SMOX: variants seen among roughly 807,000 people sequenced by gnomAD.
SMOX encodes spermine oxidase.
Under a neutral mutation model 51.0 loss-of-function variants are expected in SMOX, and 22 were observed. The observed-to-expected ratio is 0.43, with a 90% CI of 0.31 to 0.62. SMOX has a LOEUF of 0.62. Ranked by LOEUF, SMOX falls within the 20% of genes least tolerant of loss-of-function variation. The pLI, the probability that SMOX is intolerant of heterozygous loss-of-function variation, is 0.10. For missense variants in SMOX, 566 were observed against 777.7 expected, an observed-to-expected ratio of 0.73 and a Z score of 3.24; for synonymous variants, 282 against 307.8, an observed-to-expected ratio of 0.92 and a Z score of 0.88.
At position 4,167,155 on chromosome 20, in the gene SMOX, G is replaced by A. The variant is rs1052488076; in HGVS notation, c.-26-7875G>A. On this transcript the variant is annotated intron_variant, in intron 1 of 6. Transcript: ENST00000305958. The surrounding 1 kb of genome is among the most constrained non-coding windows in gnomAD (Gnocchi z 4.8). ...ATGGTCAGGCTGAGTCAGGATTGAGGGGCTCAGGCCGAGTCAGTATTGGGT... is the reference window on the plus strand; with the variant it reads ...ATGGTCAGGCTGAGTCAGGATTGAGAGGCTCAGGCCGAGTCAGTATTGGGT... Among the ~76,000 whole-genome samples, 23 of 152,184 alleles carry A rather than the reference G, an allele frequency of 1.5e-4. No homozygotes were observed. Among genetic ancestry groups the A allele is most frequent in the African/African-American group, 4.8e-4 (20 of 41,438 alleles).
chr20:4,158,921 C>T (rs1384992729), intron 1 of SMOX, among the ~76,000 whole-genome samples: 1 of 151,956 alleles, frequency 6.6e-6, no homozygotes, highest in East Asian at 1.9e-4. Flanking sequence ...ACACCCAGCA[C>T]CACCAAGGGG....
Position 4,170,728 on chromosome 20 carries a change from T to C in SMOX, c.-26-4302T>C, listed in dbSNP as rs1168470930. Among the ~76,000 whole-genome samples, 3 of 152,182 alleles carry C rather than the reference T, an allele frequency of 2.0e-5. No homozygotes were observed. The highest frequency in any genetic ancestry group is 7.2e-5 in the African/African-American group (3 of 41,438). ...CCCTGCCACAGGACGGGGTTTTTCC[T>C]CCCTCTTTTCCTCTCTCCATACCCT... On this transcript the variant is annotated intron_variant, in intron 1 of 6. Coordinates refer to ENST00000305958, the MANE Select transcript of SMOX (RefSeq NM_175839.3). This position sits in a 1 kb window ranked among gnomAD's most constrained non-coding sequence, Gnocchi z 4.6.
intron 3 of SMOX, among the ~76,000 whole-genome samples, chr20:4,179,847 T>C (rs1568744952): frequency 6.6e-6 from 1 of 152,180 alleles, no homozygotes; most frequent in Non-Finnish European, 1.5e-5. Context: ...GTGAGTATTA[T>C]TAGCTGTCAC....
chr20:4,159,275 C>A (rs961966657), intron 1 of SMOX, among the ~76,000 whole-genome samples: 6 of 152,120 alleles, frequency 3.9e-5, no homozygotes, highest in Admixed American at 1.3e-4. Flanking sequence ...CCACGCCCGG[C>A]TAATTTTGGT....
At chr20:4,168,560 C>CT (rs543089733) in intron 1 of SMOX, among the ~76,000 whole-genome samples, 194 of 144,738 alleles carry the variant, frequency 1.3e-3, no homozygotes, top group East Asian at 4.2e-3. Flanking sequence ...CTCTCTCTCT[C>CT]TTTTTTTTTT....
chr20:4,183,688 G>GT lies in SMOX; in HGVS notation c.1530+35dup. On this transcript the variant is annotated intron_variant, in intron 6 of 6. Coordinates refer to ENST00000305958, the MANE Select transcript of SMOX (RefSeq NM_175839.3). The surrounding 1 kb of genome is among the most constrained non-coding windows in gnomAD (Gnocchi z 4.3). The stretch of plus-strand genomic sequence containing the variant: ...GGCGTTTGGGGTGAGGAGGGGAGTT[G>GT]TGGGTGTATTTTGTATGTGTGTCCG... The GT allele has an allele frequency of 2.6e-6, 4 of 1,538,166 alleles. No individual in the cohort carries two copies. Among genetic ancestry groups the GT allele is most frequent in the Non-Finnish European group, 3.5e-6 (4 of 1,146,558 alleles).
intron 2 of SMOX, among the ~76,000 whole-genome samples, chr20:4,176,314 C>G (rs1323301731): frequency 6.6e-6 from 1 of 152,144 alleles, no homozygotes; most frequent in Non-Finnish European, 1.5e-5. Flanking sequence ...GTGTCTTCCC[C>G]TACAGCATTT....
chr20:4,153,772 A>C lies in SMOX; in HGVS notation c.-27+4795A>C, dbSNP rs1371503906. ...GGGCTCCCTTCTCTGGCAGGGGAGC[A>C]TGGGGGAGGCCTGTCCACGGTGCCC... On this transcript the variant is annotated intron_variant, in intron 1 of 6. Coordinates refer to ENST00000305958, the MANE Select transcript of SMOX (RefSeq NM_175839.3). The surrounding 1 kb of genome is among the most constrained non-coding windows in gnomAD (Gnocchi z 4.4). 6.6e-6 allele frequency among the ~76,000 whole-genome samples: 1 copy of C among 152,174 alleles called. No homozygotes were observed. Among genetic ancestry groups the C allele is most frequent in the Non-Finnish European group, 1.5e-5 (1 of 68,006 alleles).
Position 4,149,353 on chromosome 20 carries a change from C to T in SMOX, c.-27+376C>T, listed in dbSNP as rs1468480161. Among the ~76,000 whole-genome samples the T allele has an allele frequency of 6.6e-6, 1 of 151,604 alleles. No individual in the cohort carries two copies. The highest frequency in any genetic ancestry group is 1.9e-4 in the East Asian group (1 of 5,130). ...TCCCGGGCGCCCTGCAGGCGCGCTC[C>T]GTGGGCGCAGACAAAGCCGGGCGCG... On this transcript the variant is annotated intron_variant, in intron 1 of 6. Coordinates refer to ENST00000305958, the MANE Select transcript of SMOX (RefSeq NM_175839.3). This position sits in a 1 kb window ranked among gnomAD's most constrained non-coding sequence, Gnocchi z 6.0.
Position 4,183,629 on chromosome 20 carries a change from C to T in SMOX, c.1505C>T (p.Pro502Leu), listed in dbSNP as rs1430576325. The change falls in exon 6 of 7, where the codon CCG becomes CTG. Residue 502 changes from proline (P) to leucine (L), a missense_variant. Coordinates refer to ENST00000305958, the MANE Select transcript of SMOX (RefSeq NM_175839.3). The surrounding 1 kb of genome is among the most constrained non-coding windows in gnomAD (Gnocchi z 4.3). ...GTGGAGAAGCTGGCCAAGCCCCTGCCGTACACAGAGAGCTCAAAGACAGCG... is the reference window on the plus strand; with the variant it reads ...GTGGAGAAGCTGGCCAAGCCCCTGCTGTACACAGAGAGCTCAAAGACAGCG... ...ADVEKLAKPL[P>L]YTESSKTAPM... is the part of the protein sequence containing the mutation. The T allele has an allele frequency of 3.1e-6, 5 of 1,593,068 alleles. No homozygotes were observed. The highest frequency in any genetic ancestry group is 2.3e-5 in the South Asian group (2 of 87,196).
chr20:4,175,583 T>C (rs1207240458), intron 2 of SMOX, among the ~76,000 whole-genome samples: 1 of 152,206 alleles, frequency 6.6e-6, no homozygotes, highest in Non-Finnish European at 1.5e-5. Context: ...GAAATTCTTC[T>C]GCAAGGTCCT....
chr20:4,187,390 T>A lies in SMOX; in HGVS notation c.1651T>A (p.Phe551Ile). ...CCTCATTGAGATGTACCGAGACCTC[T>A]TCCAGCAGGGGACCTGAGGGCTGTC... ...ARLIEMYRDLFQQGT is the reference protein window; with the variant it reads ...ARLIEMYRDLIQQGT The change falls in exon 7 of 7, where the codon TTC becomes ATC. Residue 551 changes from phenylalanine to isoleucine, a missense_variant. Transcript: ENST00000305958. This position sits in a 1 kb window ranked among gnomAD's most constrained non-coding sequence, Gnocchi z 4.8. 1 of 1,614,070 alleles carries A rather than the reference T, an allele frequency of 6.2e-7. No homozygotes were observed. Among genetic ancestry groups the A allele is most frequent in the South Asian group, 1.1e-5 (1 of 91,040 alleles).
In SMOX at chr20:4,184,763, T is replaced by C. The variant is rs936130593; in HGVS notation, c.1530+1109T>C. On this transcript the variant is annotated intron_variant, in intron 6 of 6. Transcript: ENST00000305958. ...CTTTCTGCTGCCACAGCCATCCTCC[T>C]AAAAAGCAAATCTTCTCTTTTCACT... Among the ~76,000 whole-genome samples the C allele has an allele frequency of 5.9e-5, 9 of 152,324 alleles. No homozygotes were observed. In the South Asian group the frequency reaches 8.3e-4, roughly 14 times the overall value.
In SMOX at chr20:4,182,049, C is replaced by A. The variant is rs1477857174; in HGVS notation, c.610-40C>A. The A allele has an allele frequency of 6.3e-7, 1 of 1,586,878 alleles. No individual in the cohort carries two copies. The highest frequency in any genetic ancestry group is 1.2e-5 in the South Asian group (1 of 86,700). The stretch of plus-strand genomic sequence containing the variant: ...CTACGCTGCTCCTACCCCTGCCCAA[C>A]CCCGGCGGTCACCTGGCTTCTCCTT... On this transcript the variant is annotated intron_variant, in intron 4 of 6. Coordinates refer to ENST00000305958, the MANE Select transcript of SMOX (RefSeq NM_175839.3). This position sits in a 1 kb window ranked among gnomAD's most constrained non-coding sequence, Gnocchi z 8.4.
At position 4,149,748 on chromosome 20, in the gene SMOX, C is replaced by T. The variant is rs948623579; in HGVS notation, c.-27+771C>T. Among the ~76,000 whole-genome samples, 2 of 152,170 alleles carry T rather than the reference C, an allele frequency of 1.3e-5. No homozygotes were observed. Among genetic ancestry groups the T allele is most frequent in the Non-Finnish European group, 2.9e-5 (2 of 68,014 alleles). ...CAGGGGGACTTGGCCCGATGAGATA[C>T]GCTCGGTGCCCGGCACGTATAGTGA... On this transcript the variant is annotated intron_variant, in intron 1 of 6. Transcript: ENST00000305958. This position sits in a 1 kb window ranked among gnomAD's most constrained non-coding sequence, Gnocchi z 6.0.
intron 1 of SMOX, among the ~76,000 whole-genome samples, chr20:4,159,917 GTCT>G (rs1221351201): frequency 6.6e-6 from 1 of 152,208 alleles, no homozygotes; most frequent in Non-Finnish European, 1.5e-5. Flanking sequence ...TAATCCTGTG[GTCT>G]TCTTAGGAGA....
rs544018291 is a variant in SMOX at position 4,157,963 on chromosome 20, C to T, written c.-27+8986C>T. Among the ~76,000 whole-genome samples, 250 of 152,140 alleles carry T rather than the reference C, an allele frequency of 1.6e-3. 6 individuals carry two copies. Among genetic ancestry groups the T allele is most frequent in the Admixed American group, 0.015 (236 of 15,278 alleles). On this transcript the variant is annotated intron_variant, in intron 1 of 6. Transcript: ENST00000305958. ...TCGCCCAGGCTGGAGTGCAGCGGCGCGATCTCGGCTCACTGCAACCTCCGC... is the reference window on the plus strand; with the variant it reads ...TCGCCCAGGCTGGAGTGCAGCGGCGTGATCTCGGCTCACTGCAACCTCCGC...
intron 6 of SMOX, among the ~76,000 whole-genome samples, chr20:4,186,529 C>G (rs1207620274): frequency 6.6e-6 from 1 of 152,148 alleles, no homozygotes; most frequent in East Asian, 1.9e-4. Context: ...TACATTTTTG[C>G]CCCCACCTTT....
At chr20:4,162,446 G>T (rs906309609) in intron 1 of SMOX, among the ~76,000 whole-genome samples, 2 of 152,260 alleles carry the variant, frequency 1.3e-5, no homozygotes, top group Non-Finnish European at 2.9e-5. Flanking sequence ...TGCACGTGCA[G>T]TTTCCCTGCG....
Sources: gnomAD v4.1 joint callset for allele counts (sites outside exome capture counted in the v4.1 genomes callset) on GRCh38, gnomAD v4.1.1 for gene constraint, Gnocchi (gnomAD v3.1) non-coding constraint, MANE v1.5 for transcripts, NCBI Gene and HGNC (gene_info 2026-07-23, HGNC 2026-07-21) for gene names.